The following TMEM67 variants were observed in gnomAD, a reference collection of about 807,000 sequenced individuals.
TMEM67 encodes the protein transmembrane protein 67, also known as meckelin.
Under a neutral mutation model 136.6 loss-of-function variants are expected in TMEM67, and 124 were observed. The ratio of observed to expected loss-of-function variants is 0.91; its 90% CI spans 0.78 to 1.05. TMEM67 has a LOEUF of 1.05. TMEM67 is among the 50% of genes least tolerant of loss of function. The probability of loss-of-function intolerance (pLI) is 0.00; values close to 1 mark genes in which losing one functional copy is unlikely to be tolerated. For synonymous variants in TMEM67, 364 were observed against 390.5 expected, an observed-to-expected ratio of 0.93 and a Z score of 0.80; for missense variants, 1,107 against 1,178.4, an observed-to-expected ratio of 0.94 and a Z score of 0.89.
chr8:93,756,045 G>A, intron 2 of TMEM67, 179 bp downstream of exon 2: 1 of 490,816 alleles, frequency 2.0e-6, no homozygotes. Context: ...CAAACTTGGA[G>A]AAAACAGAAA....
Position 93,816,380 on chromosome 8 carries a change from A to G in TMEM67, c.2916A>G (p.Arg972=). 4 of 1,533,088 alleles carry G rather than the reference A, an allele frequency of 2.6e-6. No homozygotes were observed. The highest frequency in any genetic ancestry group is 3.6e-6 in the Non-Finnish European group (4 of 1,117,158). The allele number at this position is 1,533,088 out of a possible 1,614,324, so 95.0% of individuals were successfully genotyped here. ...TTGTTTTAATTTTCCAGATTTTTAG[A>G]TATATCCGTAATACAGTAGGACAAA... ...FLTYLQQEIF[R]YIRNTVGQKN... is the part of the protein sequence containing the mutation. Residue 972 remains arginine, a synonymous_variant, in exon 28 of 28, where the codon AGA becomes AGG. Transcript: ENST00000453321.
chr8:93,809,035 T>G, intron 24 of TMEM67, 22 bp from the exon 25 acceptor site: 1 of 1,552,640 alleles, frequency 6.4e-7, no homozygotes, highest in Non-Finnish European at 8.9e-7. Flanking sequence ...CACTTTGTAT[T>G]CATTTCTCTT....
chr8:93,810,667 T>C (rs1808665545), intron 26 of TMEM67, among the ~76,000 whole-genome samples: 1 of 152,186 alleles, frequency 6.6e-6, no homozygotes, highest in South Asian at 2.1e-4. Flanking sequence ...TTCTATTTTA[T>C]TATGTCGTGT....
At chr8:93,755,750 G>GGTT in intron 1 of TMEM67, 28 bp from the exon 2 acceptor site, 1 of 1,001,054 alleles carries the variant, frequency 1.0e-6, no homozygotes, top group Non-Finnish European at 1.4e-6. Context: ...GATAAAATTG[G>GGTT]CTTTTTTTTT....
downstream of TMEM67, among the ~76,000 whole-genome samples, chr8:93,823,838 CTTT>C (rs80228066): frequency 1.4e-5 from 2 of 142,538 alleles, no homozygotes; most frequent in Non-Finnish European, 1.5e-5. Flanking sequence ...AAGATTTTGT[CTTT>C]TTTTTTTTTT....
chr8:93,780,219 T>G (rs578187431), intron 7 of TMEM67, among the ~76,000 whole-genome samples: 1 of 151,748 alleles, frequency 6.6e-6, no homozygotes, highest in East Asian at 1.9e-4. Context: ...GCTAAGACCA[T>G]TGGAAAAGCG....
chr8:93,769,042 T>A (rs891685516), intron 6 of TMEM67, among the ~76,000 whole-genome samples: 1 of 151,408 alleles, frequency 6.6e-6, no homozygotes, highest in Non-Finnish European at 1.5e-5. Context: ...ACTGCAACCG[T>A]GACCAGAGGA....
At position 93,780,860 on chromosome 8, in the gene TMEM67, G is replaced by A; in HGVS notation, c.870-14G>A. ...TTTATTCTCCATTATTAAAACAGTTGTAACTGTTTATAGGAGACAGAATCT... is the reference window on the plus strand; with the variant it reads ...TTTATTCTCCATTATTAAAACAGTTATAACTGTTTATAGGAGACAGAATCT... On this transcript the variant is annotated splice_polypyrimidine_tract_variant and intron_variant, in intron 8 of 27. Transcript: ENST00000453321. The A allele has an allele frequency of 6.3e-7, 1 of 1,592,430 alleles. No individual in the cohort carries two copies. The highest frequency in any genetic ancestry group is 8.6e-7 in the Non-Finnish European group (1 of 1,161,978).
chr8:93,760,320 G>A (rs1028573707), intron 3 of TMEM67, among the ~76,000 whole-genome samples: 3 of 152,066 alleles, frequency 2.0e-5, no homozygotes, highest in Non-Finnish European at 4.4e-5. Flanking sequence ...CTGATTGATG[G>A]AACTTAAAAC....
intron 1 of TMEM67, 63 bp downstream of exon 1, chr8:93,755,200 C>A (rs986133637): frequency 1.5e-5 from 21 of 1,436,680 alleles, no homozygotes; most frequent in Non-Finnish European, 2.0e-5. Context: ...GCCCCTAGTC[C>A]CCGTAAATGG....
At chr8:93,792,948 A>G (rs1024275081) in intron 15 of TMEM67, among the ~76,000 whole-genome samples, 4 of 151,314 alleles carry the variant, frequency 2.6e-5, no homozygotes, top group Admixed American at 6.6e-5. Flanking sequence ...AATTTTTTGT[A>G]TTTTTAGTAG....
At chr8:93,830,414 C>T in the TMEM67 span, among the ~76,000 whole-genome samples, 1 of 152,308 alleles carries the variant, frequency 6.6e-6, no homozygotes, top group South Asian at 2.1e-4. Flanking sequence ...TGTAGCAACC[C>T]CAAATTGAAG....
chr8:93,770,577 T>TGTA (rs1030706119), intron 6 of TMEM67, among the ~76,000 whole-genome samples: 4 of 152,330 alleles, frequency 2.6e-5, no homozygotes, highest in African/African-American at 9.6e-5. Context: ...TTTTCCCCTC[T>TGTA]GTATTTTTCT....
At chr8:93,798,622 A>C (rs562420718) in intron 20 of TMEM67, among the ~76,000 whole-genome samples, 1 of 152,254 alleles carries the variant, frequency 6.6e-6, no homozygotes, top group South Asian at 2.1e-4. Flanking sequence ...TTAAGATTGA[A>C]TATAAATCAT....
intron 11 of TMEM67, among the ~76,000 whole-genome samples, chr8:93,782,881 G>A (rs1813911296): frequency 6.6e-6 from 1 of 151,934 alleles, no homozygotes; most frequent in African/African-American, 2.4e-5. Context: ...GGCCGGAAAT[G>A]TTTTTAATAG....
At chr8:93,791,698 T>C (rs1380889527) in intron 15 of TMEM67, among the ~76,000 whole-genome samples, 1 of 152,200 alleles carries the variant, frequency 6.6e-6, no homozygotes, top group Non-Finnish European at 1.5e-5. Context: ...GCCCTCAATT[T>C]GGGTTTGTCT....
intron 3 of TMEM67, among the ~76,000 whole-genome samples, chr8:93,762,351 TTTAC>T (rs1358773026): frequency 2.6e-5 from 4 of 151,302 alleles, no homozygotes; most frequent in African/African-American, 9.7e-5. Flanking sequence ...TTTTTTTTTT[TTTAC>T]TTTTTAACAA....
At chr8:93,782,053 A>C (rs1043117803) in intron 10 of TMEM67, among the ~76,000 whole-genome samples, 1 of 152,094 alleles carries the variant, frequency 6.6e-6, no homozygotes, top group Non-Finnish European at 1.5e-5. Flanking sequence ...AGCTGGAACT[A>C]CAGGCGACTG....
chr8:93,767,999 G>T (rs1362841617), intron 6 of TMEM67, among the ~76,000 whole-genome samples: 1 of 151,330 alleles, frequency 6.6e-6, no homozygotes, highest in Admixed American at 6.6e-5. Flanking sequence ...CCAAGTAGCT[G>T]GGATTACAGG....
Sources: allele counts gnomAD v4.1 joint callset (sites outside exome capture counted in the v4.1 genomes callset), GRCh38; gene constraint gnomAD v4.1.1; transcripts MANE v1.5; gene names NCBI Gene and HGNC (gene_info 2026-07-23, HGNC 2026-07-21).